The following UBE2K variants were observed in gnomAD, a reference collection of about 807,000 sequenced individuals.
UBE2K encodes ubiquitin conjugating enzyme E2 K.
A neutral mutation model predicts 30.0 loss-of-function variants in UBE2K; 6 were observed. That is an observed-to-expected ratio of 0.20 (90% CI 0.11 to 0.39). UBE2K has a LOEUF of 0.39. Among genes scored for constraint, UBE2K ranks in the 10% least tolerant of loss-of-function variants. The probability of loss-of-function intolerance (pLI) is 1.00; values close to 1 mark genes in which losing one functional copy is unlikely to be tolerated. For missense variants in UBE2K, 61 were observed against 241.6 expected, an observed-to-expected ratio of 0.25 and a Z score of 4.96; for synonymous variants, 86 against 83.7, an observed-to-expected ratio of 1.03 and a Z score of -0.15.
At chr4:39,754,824 T>C (rs1439134069) in intron 3 of UBE2K, among the ~76,000 whole-genome samples, 2 of 152,188 alleles carry the variant, frequency 1.3e-5, no homozygotes, top group Non-Finnish European at 2.9e-5. Context: ...AGAACATTAA[T>C]TGGCACATAG....
Position 39,771,349 on chromosome 4 carries a change from T to C in UBE2K, c.300-3485T>C. The C allele has an allele frequency of 1.9e-6, 3 of 1,612,624 alleles. No homozygotes were observed. The South Asian group carries it at 3.3e-5, about 18-fold the overall frequency. ...CACAATGGTCACGTCGCAGAACCAC[T>C]CCTCTGCCCGGAGCTTGTTCATGTT... On this transcript the variant is annotated intron_variant, in intron 4 of 6. Coordinates refer to ENST00000261427, the MANE Select transcript of UBE2K (RefSeq NM_005339.5).
intron 1 of UBE2K, among the ~76,000 whole-genome samples, chr4:39,730,286 G>T (rs1469774896): frequency 6.6e-6 from 1 of 152,126 alleles, no homozygotes; most frequent in Non-Finnish European, 1.5e-5. Flanking sequence ...TTGGGCTCAA[G>T]TGATTCTCCC....
intron 2 of UBE2K, 49 bp from the exon 3 acceptor site, chr4:39,745,703 A>G (rs368884232): frequency 2.4e-5 from 30 of 1,246,694 alleles, no homozygotes; most frequent in Non-Finnish European, 3.2e-5. Flanking sequence ...TTTGTCTTAT[A>G]TATTTGAATT....
intron 1 of UBE2K, among the ~76,000 whole-genome samples, chr4:39,699,606 A>G (rs1288762667): frequency 6.6e-6 from 1 of 152,232 alleles, no homozygotes; most frequent in African/African-American, 2.4e-5. Context: ...AAAGTAATAC[A>G]GAAAATGATT....
intron 3 of UBE2K, among the ~76,000 whole-genome samples, chr4:39,746,719 C>T (rs1339727134): frequency 6.6e-6 from 1 of 152,156 alleles, no homozygotes; most frequent in African/African-American, 2.4e-5. Flanking sequence ...TCTTCCACAG[C>T]TTTCTATCAG....
chr4:39,729,951 C>T (rs1719980166), intron 1 of UBE2K, among the ~76,000 whole-genome samples: 1 of 152,168 alleles, frequency 6.6e-6, no homozygotes, highest in South Asian at 2.1e-4. Context: ...GCTAAATGTT[C>T]TTCATAGTAT....
At chr4:39,736,781 C>T (rs756776963) in intron 1 of UBE2K, among the ~76,000 whole-genome samples, 2 of 152,162 alleles carry the variant, frequency 1.3e-5, no homozygotes, top group Non-Finnish European at 2.9e-5. Flanking sequence ...TAGGTAGTTG[C>T]CGTTTTAATA....
chr4:39,729,438 T>G (rs979791663), intron 1 of UBE2K, among the ~76,000 whole-genome samples: 1 of 152,210 alleles, frequency 6.6e-6, no homozygotes, highest in African/African-American at 2.4e-5. Context: ...CTTTGTTTCC[T>G]TATCTTTATT....
chr4:39,735,473 T>C (rs1271015138), intron 1 of UBE2K, among the ~76,000 whole-genome samples: 3 of 152,174 alleles, frequency 2.0e-5, no homozygotes, highest in Non-Finnish European at 4.4e-5. Flanking sequence ...CTCCGCCTCC[T>C]GGTTTCACAC....
intron 4 of UBE2K, among the ~76,000 whole-genome samples, chr4:39,765,667 A>G (rs931447817): frequency 7.9e-5 from 12 of 151,800 alleles, no homozygotes; most frequent in African/African-American, 4.8e-5. Flanking sequence ...CAAAAATACA[A>G]AAACGTTAGC....
At chr4:39,770,362 C>A in intron 4 of UBE2K, 1 of 1,613,124 alleles carries the variant, frequency 6.2e-7, no homozygotes, top group Non-Finnish European at 8.5e-7. Context: ...TGGTTGAACT[C>A]CTTGCCACAG....
intron 2 of UBE2K, among the ~76,000 whole-genome samples, chr4:39,740,398 C>T (rs963790019): frequency 1.1e-4 from 16 of 151,940 alleles, no homozygotes; most frequent in Admixed American, 7.9e-4. Context: ...ACTAATTAGC[C>T]GGGCGAGGTG....
intron 1 of UBE2K, among the ~76,000 whole-genome samples, chr4:39,718,344 C>T (rs1035789371): frequency 6.6e-6 from 1 of 152,216 alleles, no homozygotes; most frequent in African/African-American, 2.4e-5. Context: ...GGTGCATTTA[C>T]AAACCTTGAG....
chr4:39,719,342 A>G (rs182459980), intron 1 of UBE2K, among the ~76,000 whole-genome samples: 2 of 152,224 alleles, frequency 1.3e-5, no homozygotes, highest in East Asian at 1.9e-4. Flanking sequence ...TTATCTTACT[A>G]TTGATAATTG....
At chr4:39,733,046 A>G (rs1021575840) in intron 1 of UBE2K, among the ~76,000 whole-genome samples, 9 of 101,030 alleles carry the variant, frequency 8.9e-5, no homozygotes, top group Non-Finnish European at 1.2e-4. Context: ...CCCAGGGAAC[A>G]TCAGGAAAAA....
chr4:39,710,276 A>ATTGG (rs1718595782), intron 1 of UBE2K: 3 of 149,434 alleles, frequency 2.0e-5, no homozygotes, highest in Admixed American at 6.6e-5. Context: ...TGATTGATTG[A>ATTGG]TTGATTTTAA....
intron 3 of UBE2K, among the ~76,000 whole-genome samples, chr4:39,746,907 A>C (rs1409901104): frequency 6.6e-6 from 1 of 152,152 alleles, no homozygotes; most frequent in African/African-American, 2.4e-5. Context: ...ATTATTTTGG[A>C]TATGTATCTT....
chr4:39,699,865 C>T (rs901368087), intron 1 of UBE2K, among the ~76,000 whole-genome samples: 1 of 151,976 alleles, frequency 6.6e-6, no homozygotes, highest in African/African-American at 2.4e-5. Flanking sequence ...TGTTCATATG[C>T]CAAAACTCTG....
chr4:39,778,321 C>G, intron 6 of UBE2K, 39 bp from the exon 7 acceptor site: 1 of 1,346,166 alleles, frequency 7.4e-7, no homozygotes, highest in Non-Finnish European at 1.1e-6. Flanking sequence ...TAAATGTTTC[C>G]TTGAGATTTA....
Sources: gnomAD v4.1 joint callset for allele counts (sites outside exome capture counted in the v4.1 genomes callset) on GRCh38, gnomAD v4.1.1 for gene constraint, MANE v1.5 for transcripts, NCBI Gene and HGNC (gene_info 2026-07-23, HGNC 2026-07-21) for gene names.